Variants in CCDC38 observed in about 807,000 individuals in gnomAD.
CCDC38 encodes the protein coiled-coil domain-containing protein 38.
CCDC38 carries 69 observed loss-of-function variants against 72.8 expected under a neutral mutation model. The observed-to-expected ratio is 0.95, with a 90% CI of 0.78 to 1.16. The LOEUF (loss-of-function observed/expected upper bound fraction) is 1.16. Among genes scored for constraint, CCDC38 ranks in the 50% most tolerant of loss-of-function variants. The pLI, the probability that CCDC38 is intolerant of heterozygous loss-of-function variation, is 0.00. For synonymous variants in CCDC38, 201 were observed against 213.2 expected (o/e 0.94, Z 0.50); for missense variants, 626 against 638.9 (o/e 0.98, Z 0.22).
chr12:95,930,490 C>T (rs2080326420), intron 2 of CCDC38, among the ~76,000 whole-genome samples: 1 of 152,064 alleles, frequency 6.6e-6, no homozygotes, highest in Admixed American at 6.5e-5. Flanking sequence ...CATGACCTTC[C>T]CCTCTGTGTG....
chr12:95,894,948 A>G (rs764156531), intron 8 of CCDC38, 41 bp downstream of exon 8: 4 of 1,464,040 alleles, frequency 2.7e-6, no homozygotes, highest in Admixed American at 2.0e-5. Context: ...TTTTAGAGTT[A>G]GGGATATTTA....
intron 2 of CCDC38, among the ~76,000 whole-genome samples, chr12:95,923,532 CT>C (rs112996030): frequency 0.013 from 1,992 of 150,116 alleles, 22 homozygotes; most frequent in Middle Eastern, 0.038. Flanking sequence ...TCCCAAGTGT[CT>C]TTTTTTTTTT....
upstream of CCDC38, chr12:95,943,207 C>T (rs1434991162): frequency 1.8e-6 from 1 of 571,014 alleles, no homozygotes; most frequent in Non-Finnish European, 2.9e-6. Flanking sequence ...TTACTCGTTG[C>T]CATTCTTGCA....
intron 2 of CCDC38, among the ~76,000 whole-genome samples, chr12:95,931,974 G>T (rs1442305449): frequency 6.6e-6 from 1 of 152,138 alleles, no homozygotes. Flanking sequence ...TCTCTTGTGT[G>T]TGTTCAAGAA....
chr12:95,919,470 G>T (rs11108335), intron 2 of CCDC38: 43,870 of 451,956 alleles, frequency 0.097, 2,588 homozygotes, highest in Non-Finnish European at 0.12. Flanking sequence ...CGTTCACAAG[G>T]ACTCAAATAT....
At chr12:95,902,622 T>G (rs2079961655) in intron 5 of CCDC38, among the ~76,000 whole-genome samples, 1 of 152,204 alleles carries the variant, frequency 6.6e-6, no homozygotes, top group Non-Finnish European at 1.5e-5. Flanking sequence ...CATTTACCTG[T>G]TCATGGACAT....
At chr12:95,871,821 T>G (rs2079583925) in intron 14 of CCDC38, among the ~76,000 whole-genome samples, 1 of 152,178 alleles carries the variant, frequency 6.6e-6, no homozygotes. Flanking sequence ...TGCTTGAAGT[T>G]TTCCCATGAC....
At chr12:95,888,650 A>T (rs1439674502) in intron 9 of CCDC38, 144 bp from the exon 10 acceptor site, 59 of 643,702 alleles carry the variant, frequency 9.2e-5, no homozygotes, top group South Asian at 4.0e-5. Flanking sequence ...TTCTTTTTTT[A>T]AAAAATTATT....
chr12:95,895,184 G>A, intron 7 of CCDC38, 38 bp from the exon 8 acceptor site: 1 of 1,463,458 alleles, frequency 6.8e-7, no homozygotes. Flanking sequence ...AGGTATATCA[G>A]TGTGAAAGCA....
intron 10 of CCDC38, among the ~76,000 whole-genome samples, chr12:95,883,011 G>A (rs973880554): frequency 2.6e-5 from 4 of 152,158 alleles, no homozygotes; most frequent in East Asian, 3.8e-4. Flanking sequence ...AAATCTGGGC[G>A]TTATCTGTAA....
chr12:95,881,273 T>C (rs1297853205), intron 11 of CCDC38, among the ~76,000 whole-genome samples: 3 of 149,850 alleles, frequency 2.0e-5, no homozygotes, highest in Non-Finnish European at 4.4e-5. Context: ...ATATCCTAAA[T>C]CATTACCTTC....
At chr12:95,899,954 A>G (rs1382698748) in intron 5 of CCDC38, among the ~76,000 whole-genome samples, 1 of 152,164 alleles carries the variant, frequency 6.6e-6, no homozygotes, top group Non-Finnish European at 1.5e-5. Context: ...AGAACAGCCA[A>G]GGAAAGTCTC....
intron 2 of CCDC38, among the ~76,000 whole-genome samples, chr12:95,935,841 G>A (rs1421353605): frequency 1.3e-5 from 2 of 152,162 alleles, no homozygotes; most frequent in African/African-American, 4.8e-5. Context: ...GTCTTTGGGA[G>A]GCCGAGGTGG....
At chr12:95,921,969 A>C (rs1328048631) in intron 2 of CCDC38, among the ~76,000 whole-genome samples, 1 of 152,194 alleles carries the variant, frequency 6.6e-6, no homozygotes, top group East Asian at 1.9e-4. Flanking sequence ...CAGCACTGGA[A>C]TATTTTGAGA....
At position 95,878,347 on chromosome 12, in the gene CCDC38, C is replaced by T. The variant is rs536290061; in HGVS notation, c.1143-1G>A. On this transcript the variant is annotated splice_acceptor_variant, in intron 12 of 15. Coordinates refer to ENST00000344280, the MANE Select transcript of CCDC38 (RefSeq NM_182496.3). LOFTEE classifies it high-confidence loss of function. ...CAAAAGAAACTCTATGTTGCTATTT[C>T]TATTACAAAAGAAGAAAGAGACCCT... is the stretch of plus-strand genomic sequence containing the variant. 1 of 1,607,278 alleles carries T rather than the reference C, an allele frequency of 6.2e-7. No individual in the cohort carries two copies. The highest frequency in any genetic ancestry group is 8.5e-7 in the Non-Finnish European group (1 of 1,178,440).
intron 4 of CCDC38, among the ~76,000 whole-genome samples, chr12:95,908,090 C>T (rs2080032527): frequency 6.6e-6 from 1 of 152,072 alleles, no homozygotes; most frequent in African/African-American, 2.4e-5. Flanking sequence ...AATCTCGGCA[C>T]TTTGGGAGGC....
Position 95,879,688 on chromosome 12 carries a change from A to G in CCDC38, c.1098T>C (p.Asn366=), listed in dbSNP as rs886982428. Reference sequence around the variant, plus strand: ...TTTCTCTTTTGTTTACCTCTTCAAGATTTTCATCTACATCTTGGGAATATT... The same window carrying G: ...TTTCTCTTTTGTTTACCTCTTCAAGGTTTTCATCTACATCTTGGGAATATT... ...LFQYSQDVDE[N]LEEVNKREKV... is the part of the protein sequence containing the mutation. Residue 366 remains asparagine (N), a synonymous_variant, in exon 12 of 16, where the codon AAT becomes AAC. Transcript: ENST00000344280. The surrounding 1 kb of genome is among the most constrained non-coding windows in gnomAD (Gnocchi z 5.5). 6.2e-7 allele frequency: 1 copy of G among 1,607,048 alleles called. No homozygotes were observed. The highest frequency in any genetic ancestry group is 1.7e-5 in the Admixed American group (1 of 59,846).
At position 95,872,262 on chromosome 12, in the gene CCDC38, G is replaced by T; in HGVS notation, c.1477C>A (p.Arg493=). 4 of 1,613,962 alleles carry T rather than the reference G, an allele frequency of 2.5e-6. No homozygotes were observed. Among genetic ancestry groups the T allele is most frequent in the Non-Finnish European group, 3.4e-6 (4 of 1,179,942 alleles). ...AIERMKQKEW[R]QKFRDEKMKE... ...TATCCTTATTGACTGTACTTTTGCC[G>T]CCATTCTTTCTGTTTCATCCTCTCA... is the stretch of plus-strand genomic sequence containing the variant. The change falls in exon 14 of 16, where the codon CGG becomes AGG. Residue 493 remains arginine (R), a synonymous_variant. Transcript: ENST00000344280.
At chr12:95,900,722 G>T (rs1298376159) in intron 5 of CCDC38, among the ~76,000 whole-genome samples, 1 of 152,126 alleles carries the variant, frequency 6.6e-6, no homozygotes, top group African/African-American at 2.4e-5. Context: ...ACTTCATTGT[G>T]CAAAGTGGCT....
Sources: allele counts gnomAD v4.1 joint callset (sites outside exome capture counted in the v4.1 genomes callset), GRCh38; gene constraint gnomAD v4.1.1; non-coding constraint Gnocchi (gnomAD v3.1); transcripts MANE v1.5; gene names NCBI Gene and HGNC (gene_info 2026-07-23, HGNC 2026-07-21).